The following GDF5 variants were observed in gnomAD, a reference collection of about 807,000 sequenced individuals.
GDF5 encodes the protein growth differentiation factor 5.
GDF5 carries 17 observed loss-of-function variants against 34.6 expected under a neutral mutation model. The observed-to-expected ratio is 0.49, with a 90% CI of 0.34 to 0.74. The LOEUF (loss-of-function observed/expected upper bound fraction) is 0.74, where lower values mean the gene tolerates loss of function less well. Ranked by LOEUF, GDF5 falls within the 30% of genes least tolerant of loss-of-function variation. The probability of loss-of-function intolerance (pLI) is 0.01; values close to 1 mark genes in which losing one functional copy is unlikely to be tolerated. For missense variants in GDF5, 616 were observed against 661.2 expected, an observed-to-expected ratio of 0.93 and a Z score of 0.75; for synonymous variants, 332 against 290.7, an observed-to-expected ratio of 1.14 and a Z score of -1.44.
chr20:35,435,827 A>G (rs2062470069), intron 1 of GDF5, among the ~76,000 whole-genome samples: 1 of 152,118 alleles, frequency 6.6e-6, no homozygotes, highest in African/African-American at 2.4e-5. Context: ...GTATACGTTA[A>G]TGACGCATTA....
chr20:35,438,824 CGTGTGTGTGT>C (rs57641919), upstream of GDF5, among the ~76,000 whole-genome samples: 352 of 126,488 alleles, frequency 2.8e-3, no homozygotes, highest in African/African-American at 9.4e-3. Flanking sequence ...ATTTGTTATG[CGTGTGTGTGT>C]GTGTGTGTGT....
At position 35,434,497 on chromosome 20, in the gene GDF5, C is replaced by T. The variant is rs771196534; in HGVS notation, c.918G>A (p.Ser306=). ...CCTCCAGCTCCAGGCACAGCTGGGC[C>T]GAGTTCTTAAAGTTTCGGAAGAGCT... ...IWKLFRNFKN[S]AQLCLELEAW... is the part of the protein sequence containing the mutation. The change falls in exon 2 of 2, where the codon TCG becomes TCA. Residue 306 remains serine, a synonymous_variant. Transcript: ENST00000374369. 8.7e-6 allele frequency: 14 copies of T among 1,609,054 alleles called. No homozygotes were observed. The highest frequency in any genetic ancestry group is 1.1e-5 in the Non-Finnish European group (13 of 1,177,374).
upstream of GDF5, among the ~76,000 whole-genome samples, chr20:35,443,154 A>G (rs2062503447): frequency 6.6e-6 from 1 of 152,160 alleles, no homozygotes; most frequent in African/African-American, 2.4e-5. Flanking sequence ...GGCCCTCTCC[A>G]GAGAGGAGCC....
upstream of GDF5, among the ~76,000 whole-genome samples, chr20:35,442,509 CA>C (rs1416912045): frequency 1.1e-4 from 16 of 150,016 alleles, no homozygotes; most frequent in East Asian, 3.2e-3. Flanking sequence ...CCGCCGTGCC[CA>C]GCCCGAAGGT....
chr20:35,440,524 A>G (rs567701258), upstream of GDF5, among the ~76,000 whole-genome samples: 66 of 151,950 alleles, frequency 4.3e-4, no homozygotes, highest in Middle Eastern at 3.4e-3. Context: ...CTCTACTAAA[A>G]GCTACCCATC....
At chr20:35,450,793 A>AG (rs1203151836) in intron 1 of GDF5, among the ~76,000 whole-genome samples, 1 of 151,896 alleles carries the variant, frequency 6.6e-6, no homozygotes. Context: ...ACAGGCAGGA[A>AG]GCATATCCTG....
chr20:35,435,419 T>C (rs1405409878), intron 1 of GDF5: 3 of 124,088 alleles, frequency 2.4e-5, no homozygotes, highest in Admixed American at 1.1e-4. Flanking sequence ...GCTATTGCAC[T>C]CCGGCCTGGG....
chr20:35,453,752 G>T (rs1226324588), intron 1 of GDF5, among the ~76,000 whole-genome samples: 1 of 152,084 alleles, frequency 6.6e-6, no homozygotes, highest in Non-Finnish European at 1.5e-5. Context: ...GCTTTTAAGC[G>T]TTCCTTTCTC....
chr20:35,437,715 C>A lies in GDF5; in HGVS notation c.214G>T (p.Ala72Ser), dbSNP rs916896047. The change falls in exon 1 of 2, where the codon GCC becomes TCC. Residue 72 changes from alanine to serine, a missense_variant. Ala to Ser is a moderately conservative substitution (Grantham distance 99, BLOSUM62 1). Transcript: ENST00000374369. ...GTGCCTCCCTTTGCCCTGGCATTGG[C>A]ATTGGTGGCCCCCCCACCATAGCTG... is the stretch of plus-strand genomic sequence containing the variant. ...GHSYGGGATNANARAKGGTGQ... is the reference protein window; with the variant it reads ...GHSYGGGATNSNARAKGGTGQ... The A allele has an allele frequency of 6.2e-7, 1 of 1,613,830 alleles. No individual in the cohort carries two copies. The highest frequency in any genetic ancestry group is 8.5e-7 in the Non-Finnish European group (1 of 1,179,896).
At chr20:35,451,535 A>G (rs1401286578) in intron 1 of GDF5, among the ~76,000 whole-genome samples, 1 of 150,378 alleles carries the variant, frequency 6.6e-6, no homozygotes, top group Non-Finnish European at 1.5e-5. Flanking sequence ...TACGTCTCAA[A>G]TGCTCCATGC....
intron 1 of GDF5, among the ~76,000 whole-genome samples, chr20:35,447,309 A>G (rs1300476437): frequency 6.6e-6 from 1 of 152,180 alleles, no homozygotes; most frequent in Non-Finnish European, 1.5e-5. Context: ...TGGGAATTTA[A>G]CAATGAAAAC....
chr20:35,443,942 C>T (rs2062506206), intron 1 of GDF5, among the ~76,000 whole-genome samples: 1 of 152,096 alleles, frequency 6.6e-6, no homozygotes, highest in African/African-American at 2.4e-5. Context: ...TGATGCTATC[C>T]GAACCTCCCG....
Position 35,434,418 on chromosome 20 carries a change from CGGCGCGG to C in GDF5, c.990_996del (p.Asp330GlufsTer121). The C allele has an allele frequency of 6.2e-7, 1 of 1,613,592 alleles. No homozygotes were observed. Among genetic ancestry groups the C allele is most frequent in the Non-Finnish European group, 8.5e-7 (1 of 1,179,888 alleles). ...AGGGCTTTCTCGTGGACCTGCCGGG[CGGCGCGG>C]TCGAAGCCCAGGCCACGGAGGTCCA... On this transcript the variant is annotated frameshift_variant, in exon 2 of 2. Coordinates refer to ENST00000374369, the MANE Select transcript of GDF5 (RefSeq NM_000557.5). LOFTEE classifies it high-confidence loss of function.
chr20:35,439,841 TACA>T (rs1030801232), upstream of GDF5, among the ~76,000 whole-genome samples: 60 of 148,730 alleles, frequency 4.0e-4, 1 homozygote, highest in African/African-American at 1.4e-3. Flanking sequence ...TACATTTCTC[TACA>T]ACAACACTTT....
chr20:35,453,460 A>G (rs756556142), intron 1 of GDF5, among the ~76,000 whole-genome samples: 1 of 152,216 alleles, frequency 6.6e-6, no homozygotes, highest in Non-Finnish European at 1.5e-5. Context: ...CTTGATGTGC[A>G]TAATATTTAG....
intron 1 of GDF5, among the ~76,000 whole-genome samples, chr20:35,443,952 G>C (rs967074193): frequency 3.3e-5 from 5 of 151,996 alleles, no homozygotes; most frequent in Non-Finnish European, 7.4e-5. Context: ...CGAACCTCCC[G>C]AGATCTCTCC....
intron 1 of GDF5, among the ~76,000 whole-genome samples, chr20:35,452,390 G>T (rs2062536545): frequency 6.6e-6 from 1 of 152,112 alleles, no homozygotes; most frequent in South Asian, 2.1e-4. Context: ...ATTTGGTTTG[G>T]TATATCTTGG....
At chr20:35,451,066 T>TATATATATATATATATATATATATATAA (rs2062530765) in intron 1 of GDF5, among the ~76,000 whole-genome samples, 7 of 19,344 alleles carry the variant, frequency 3.6e-4, no homozygotes, top group African/African-American at 2.7e-3. Flanking sequence ...AAAAAAAAAA[T>TATATATATATATATATATATATATATAA]ATATATATAT....
Position 35,451,715 on chromosome 20 carries a change from G to A in GDF5, c.-398+2925C>T, listed in dbSNP as rs560251769. 5.7e-4 allele frequency among the ~76,000 whole-genome samples: 85 copies of A among 149,034 alleles called. 1 individual carries two copies. Among genetic ancestry groups the A allele is most frequent in the Admixed American group, 1.6e-3 (24 of 14,766 alleles). ...TCTCACCTCATTTTTTTATTTTTTT[G>A]TAGAGACAAGGTCTAACTATGTTGC... On this transcript the variant is annotated intron_variant, in intron 1 of 3. Transcript: ENST00000374372.
Sources: allele counts gnomAD v4.1 joint callset (sites outside exome capture counted in the v4.1 genomes callset), GRCh38; gene constraint gnomAD v4.1.1; transcripts MANE v1.5; gene names NCBI Gene and HGNC (gene_info 2026-07-23, HGNC 2026-07-21).